PRP4K: variants seen among roughly 807,000 people sequenced by gnomAD.
PRP4K encodes pre-mRNA processing factor kinase PRP4K.
chr6:4,041,482 G>A, the PRP4K span, among the ~76,000 whole-genome samples: 3 of 152,258 alleles, frequency 2.0e-5, no homozygotes, highest in African/African-American at 7.2e-5. Flanking sequence ...GACCCTGGGG[G>A]GAGAAGGTTG....
At chr6:4,058,732 T>C in the PRP4K span, 2 of 1,612,638 alleles carry the variant, frequency 1.2e-6, no homozygotes, top group South Asian at 1.1e-5. Context: ...TTGTAGATGA[T>C]TCGAAAAGGT....
At chr6:4,038,145 TGAA>T in the PRP4K span, among the ~76,000 whole-genome samples, 1 of 152,168 alleles carries the variant, frequency 6.6e-6, no homozygotes, top group Non-Finnish European at 1.5e-5. Context: ...CATTTTTAAT[TGAA>T]GTAATAAATG....
At chr6:4,033,835 C>G in the PRP4K span, among the ~76,000 whole-genome samples, 1 of 151,480 alleles carries the variant, frequency 6.6e-6, no homozygotes, top group Non-Finnish European at 1.5e-5. Context: ...TGAAATAGCC[C>G]CTTTTTCCTT....
the PRP4K span, among the ~76,000 whole-genome samples, chr6:4,030,728 A>G: frequency 2.0e-5 from 3 of 152,204 alleles, no homozygotes; most frequent in Non-Finnish European, 4.4e-5. Flanking sequence ...GAGAGATTAA[A>G]TCACTTGCTG....
At chr6:4,043,171 A>G in the PRP4K span, among the ~76,000 whole-genome samples, 16 of 152,336 alleles carry the variant, frequency 1.1e-4, no homozygotes, top group South Asian at 2.1e-4. Context: ...CTAAACACAC[A>G]TAGCAAACCA....
the PRP4K span, chr6:4,047,117 A>C: frequency 1.4e-6 from 2 of 1,443,106 alleles, no homozygotes; most frequent in Non-Finnish European, 1.9e-6. Flanking sequence ...CCATTCACTT[A>C]TTTTGTGTTT....
At chr6:4,046,855 G>A in the PRP4K span, among the ~76,000 whole-genome samples, 6 of 151,708 alleles carry the variant, frequency 4.0e-5, no homozygotes, top group East Asian at 1.9e-4. Flanking sequence ...ATGGGGTTTC[G>A]CCTTGTTGGC....
the PRP4K span, chr6:4,058,708 G>A: frequency 6.3e-7 from 1 of 1,597,190 alleles, no homozygotes; most frequent in South Asian, 1.1e-5. Flanking sequence ...CAAAACCCAA[G>A]TTTTTGTTTT....
chr6:4,023,872 AT>A, the PRP4K span, among the ~76,000 whole-genome samples: 10 of 146,394 alleles, frequency 6.8e-5, no homozygotes, highest in South Asian at 2.2e-4. Context: ...TGCCCAGCTA[AT>A]TTTTTTTTTT....
At chr6:4,023,639 G>A in the PRP4K span, among the ~76,000 whole-genome samples, 1,421 of 152,354 alleles carry the variant, frequency 9.3e-3, 14 homozygotes, top group Middle Eastern at 0.024. Context: ...TGGCAAAGCA[G>A]AGACCAGAGG....
the PRP4K span, chr6:4,043,757 G>A: frequency 2.0e-6 from 3 of 1,514,430 alleles, no homozygotes; most frequent in African/African-American, 4.2e-5. Context: ...AGCCATGAAT[G>A]TATTTGGATA....
the PRP4K span, among the ~76,000 whole-genome samples, chr6:4,059,886 C>T: frequency 6.6e-6 from 1 of 152,216 alleles, no homozygotes; most frequent in Non-Finnish European, 1.5e-5. Context: ...CTCAAGTGAT[C>T]CACCTACCTT....
At chr6:4,025,039 T>A in the PRP4K span, among the ~76,000 whole-genome samples, 4 of 152,354 alleles carry the variant, frequency 2.6e-5, no homozygotes, top group African/African-American at 9.6e-5. Flanking sequence ...TCTGCACTTC[T>A]CATTCACCTT....
chr6:4,057,069 T>C, the PRP4K span: 3 of 1,605,238 alleles, frequency 1.9e-6, no homozygotes, highest in Non-Finnish European at 2.6e-6. Context: ...GGTATAGATA[T>C]GTGGTCTGTA....
At chr6:4,021,384 G>C in the PRP4K span, 7 of 1,559,790 alleles carry the variant, frequency 4.5e-6, no homozygotes, top group Middle Eastern at 1.7e-4. Context: ...TCCACCGTCC[G>C]GGAGCCGCCG....
chr6:4,044,086 A>G, the PRP4K span: 2 of 1,493,418 alleles, frequency 1.3e-6, no homozygotes, highest in Non-Finnish European at 1.9e-6. Context: ...CTTTATAATA[A>G]GAGACGTTAT....
the PRP4K span, among the ~76,000 whole-genome samples, chr6:4,047,602 T>C: frequency 6.6e-6 from 1 of 152,172 alleles, no homozygotes; most frequent in East Asian, 1.9e-4. Context: ...AGACTCCACT[T>C]TGGGGCCTCT....
chr6:4,042,642 A>G, the PRP4K span: 2 of 1,145,678 alleles, frequency 1.7e-6, no homozygotes, highest in Non-Finnish European at 1.3e-6. Context: ...TGTAGCATTA[A>G]TAACAGTTGA....
the PRP4K span, among the ~76,000 whole-genome samples, chr6:4,038,205 A>G: frequency 4.2e-3 from 640 of 152,320 alleles, 6 homozygotes; most frequent in African/African-American, 0.015. Context: ...CCATCTTTAC[A>G]TATCTCTCAG....
Sources: gnomAD v4.1 joint callset for allele counts (sites outside exome capture counted in the v4.1 genomes callset) on GRCh38, gnomAD v4.1.1 for gene constraint, MANE v1.5 for transcripts, NCBI Gene and HGNC (gene_info 2026-07-23, HGNC 2026-07-21) for gene names.